The following UBE2K variants were observed in gnomAD, a reference collection of about 807,000 sequenced individuals.
The protein encoded by UBE2K is ubiquitin conjugating enzyme E2 K.
A neutral mutation model predicts 30.0 loss-of-function variants in UBE2K; 6 were observed. The ratio of observed to expected loss-of-function variants is 0.20; its 90% CI spans 0.11 to 0.39. UBE2K has a LOEUF of 0.39. Ranked by LOEUF, UBE2K falls within the 10% of genes least tolerant of loss-of-function variation. The pLI is 1.00. For missense variants in UBE2K, 61 were observed against 241.6 expected, an observed-to-expected ratio of 0.25 and a Z score of 4.96; for synonymous variants, 86 against 83.7, an observed-to-expected ratio of 1.03 and a Z score of -0.15.
At chr4:39,757,019 T>TG (rs1721565643) in intron 4 of UBE2K, among the ~76,000 whole-genome samples, 5 of 84,112 alleles carry the variant, frequency 5.9e-5, no homozygotes, top group African/African-American at 2.4e-4. Flanking sequence ...TTGTTTTTTG[T>TG]TTTTTGTTTT....
intron 4 of UBE2K, among the ~76,000 whole-genome samples, chr4:39,768,159 G>C (rs116458929): frequency 6.6e-6 from 1 of 151,854 alleles, no homozygotes; most frequent in East Asian, 1.9e-4. Context: ...AGAAAGACGG[G>C]CCATTGCGGT....
At chr4:39,773,973 AGG>A (rs1482546824) in intron 4 of UBE2K, among the ~76,000 whole-genome samples, 1 of 152,038 alleles carries the variant, frequency 6.6e-6, no homozygotes, top group African/African-American at 2.4e-5. Context: ...AAGAAAAACA[AGG>A]ACAGTTCAGA....
intron 1 of UBE2K, among the ~76,000 whole-genome samples, chr4:39,716,851 A>T (rs553455334): frequency 6.6e-6 from 1 of 152,190 alleles, no homozygotes; most frequent in East Asian, 1.9e-4. Flanking sequence ...ACAAAAAATT[A>T]GTAGGGCACA....
intron 4 of UBE2K, among the ~76,000 whole-genome samples, chr4:39,768,061 A>T (rs1216037935): frequency 1.3e-5 from 2 of 152,086 alleles, no homozygotes; most frequent in Non-Finnish European, 2.9e-5. Flanking sequence ...AGCTTTTGAT[A>T]TGTATGTGCC....
intron 1 of UBE2K, among the ~76,000 whole-genome samples, chr4:39,731,452 G>A (rs537076063): frequency 6.6e-6 from 1 of 152,042 alleles, no homozygotes; most frequent in Non-Finnish European, 1.5e-5. Flanking sequence ...AGCCGAGGCA[G>A]GTGGATCACC....
At chr4:39,719,878 T>C (rs1279145103) in intron 1 of UBE2K, among the ~76,000 whole-genome samples, 10 of 152,338 alleles carry the variant, frequency 6.6e-5, no homozygotes, top group Non-Finnish European at 1.3e-4. Flanking sequence ...TGTACATGTG[T>C]GAGAATTTTG....
Position 39,771,375 on chromosome 4 carries a change from C to CCG in UBE2K, c.300-3458_300-3457dup. 4 of 1,612,750 alleles carry CCG rather than the reference C, an allele frequency of 2.5e-6. No homozygotes were observed. The South Asian group carries it at 4.4e-5, about 18-fold the overall frequency. ...CCTCTGCCCGGAGCTTGTTCATGTT[C>CCG]CGTAGCGTAGCGGCCTAGTGGCCGG... On this transcript the variant is annotated intron_variant, in intron 4 of 6. Coordinates refer to ENST00000261427, the MANE Select transcript of UBE2K (RefSeq NM_005339.5).
chr4:39,763,204 A>G lies in UBE2K; in HGVS notation c.299+7465A>G, dbSNP rs543387363. On this transcript the variant is annotated intron_variant, in intron 4 of 6. Transcript: ENST00000261427. The stretch of plus-strand genomic sequence containing the variant: ...GTGATCCACCCGCCTTGGCCTCCCA[A>G]ATTGCTGGGGTTAAAGGCATGAGCC... 1.1e-3 allele frequency among the ~76,000 whole-genome samples: 167 copies of G among 151,740 alleles called. 1 individual carries two copies. The highest frequency in any genetic ancestry group is 2.9e-3 in the Admixed American group (44 of 15,250).
chr4:39,770,675 C>T (rs2109403539), intron 4 of UBE2K: 3 of 1,579,706 alleles, frequency 1.9e-6, no homozygotes, highest in South Asian at 2.3e-5. Context: ...GCGGTGGGGC[C>T]ACAGTGCTGG....
chr4:39,740,412 GGCGCCTGTGGTCCCA>G (rs1398023193), intron 2 of UBE2K, among the ~76,000 whole-genome samples: 15 of 151,994 alleles, frequency 9.9e-5, no homozygotes, highest in Admixed American at 5.2e-4. Flanking sequence ...CGAGGTGGTG[GGCGCCTGTGGTCCCA>G]GCTACTCGGG....
At chr4:39,720,792 G>A (rs1719379227) in intron 1 of UBE2K, among the ~76,000 whole-genome samples, 1 of 152,140 alleles carries the variant, frequency 6.6e-6, no homozygotes, top group African/African-American at 2.4e-5. Context: ...TGCCCAGGCT[G>A]GAGTGCAGTG....
At chr4:39,756,333 C>T (rs1394082544) in intron 4 of UBE2K, among the ~76,000 whole-genome samples, 2 of 152,218 alleles carry the variant, frequency 1.3e-5, no homozygotes, top group Non-Finnish European at 2.9e-5. Context: ...GAGCAAATTA[C>T]CTAAAGTCTG....
Position 39,770,283 on chromosome 4 carries a change from C to T in UBE2K, c.300-4551C>T, listed in dbSNP as rs1048209199. On this transcript the variant is annotated intron_variant, in intron 4 of 6. Transcript: ENST00000261427. ...GGTGGACTTCTGTGTGAAGCACTTG[C>T]CGCAGATGCCGCACGAGTGTGACTT... 3.1e-6 allele frequency: 5 copies of T among 1,611,278 alleles called. No individual in the cohort carries two copies. The African/African-American group carries it at 5.3e-5, about 17-fold the overall frequency.
At chr4:39,727,931 A>G (rs1375620544) in intron 1 of UBE2K, among the ~76,000 whole-genome samples, 1 of 152,026 alleles carries the variant, frequency 6.6e-6, no homozygotes, top group Non-Finnish European at 1.5e-5. Context: ...GGAGTTCGAG[A>G]CCAGCCTGGC....
intron 1 of UBE2K, among the ~76,000 whole-genome samples, chr4:39,716,264 G>GTGTC (rs138078900): frequency 1.3e-5 from 2 of 151,928 alleles, no homozygotes; most frequent in South Asian, 4.2e-4. Context: ...TTGAAACATG[G>GTGTC]TGTCTGTCTG....
intron 4 of UBE2K, among the ~76,000 whole-genome samples, chr4:39,756,012 T>G (rs1439599748): frequency 1.3e-5 from 2 of 152,260 alleles, no homozygotes; most frequent in African/African-American, 4.8e-5. Context: ...GATTCTTTGC[T>G]ATCTTAAGAA....
At chr4:39,720,722 TTTA>T (rs1473506871) in intron 1 of UBE2K, among the ~76,000 whole-genome samples, 10 of 152,140 alleles carry the variant, frequency 6.6e-5, no homozygotes, top group Non-Finnish European at 1.2e-4. Flanking sequence ...GGAAAAACAT[TTTA>T]TTGTTTTTTT....
chr4:39,774,712 T>C, intron 4 of UBE2K, 122 bp from the exon 5 acceptor site: 1 of 442,938 alleles, frequency 2.3e-6, no homozygotes, highest in Non-Finnish European at 3.9e-6. Flanking sequence ...CTTAACTATA[T>C]AATTAAGATA....
intron 3 of UBE2K, 93 bp from the exon 4 acceptor site, chr4:39,755,564 C>CT (rs1721484728): frequency 3.0e-6 from 3 of 996,186 alleles, no homozygotes; most frequent in Admixed American, 2.3e-5. Flanking sequence ...AGGGACCTTT[C>CT]TTTTTTTAGT....
Sources: gnomAD v4.1 joint callset for allele counts (sites outside exome capture counted in the v4.1 genomes callset) on GRCh38, gnomAD v4.1.1 for gene constraint, MANE v1.5 for transcripts, NCBI Gene and HGNC (gene_info 2026-07-23, HGNC 2026-07-21) for gene names.